Variants in CCR3 observed in about 807,000 individuals in gnomAD.
CCR3 encodes the protein C-C motif chemokine receptor 3.
For missense variants in CCR3, 419 were observed against 437.5 expected, an observed-to-expected ratio of 0.96 and a Z score of 0.38; for synonymous variants, 203 against 179.2, an observed-to-expected ratio of 1.13 and a Z score of -1.06.
intron 1 of CCR3, chr3:46,263,697 C>T (rs547469247): frequency 6.6e-6 from 1 of 152,308 alleles, no homozygotes; most frequent in Admixed American, 6.5e-5. Context: ...TCATCACAAC[C>T]CCAAGTGACC....
intron 2 of CCR3, among the ~76,000 whole-genome samples, chr3:46,222,862 G>C (rs771724498): frequency 6.6e-6 from 1 of 152,200 alleles, no homozygotes; most frequent in South Asian, 2.1e-4. Context: ...TGGGAGCTAC[G>C]TGGCTATTTA....
intron 1 of CCR3, among the ~76,000 whole-genome samples, chr3:46,247,014 T>A (rs1384088842): frequency 6.6e-6 from 1 of 151,854 alleles, no homozygotes; most frequent in East Asian, 1.9e-4. Flanking sequence ...CTAAATGGAA[T>A]AAGAGAAGGA....
chr3:46,238,449 G>C (rs541870300), upstream of CCR3, among the ~76,000 whole-genome samples: 4 of 148,916 alleles, frequency 2.7e-5, no homozygotes, highest in African/African-American at 2.4e-5. Context: ...GCATTTACTA[G>C]GGAAACTTAA....
rs200128162 is a variant in CCR3, at chr3:46,266,706, A to G, written c.*480A>G. On this transcript the variant is annotated 3_prime_UTR_variant, in exon 2 of 2. Transcript: ENST00000395940. ...GTGTGAATAAATAATCGTAAGCAAC[A>G]TAATGGCATGCCATTCCTGTTCTAA... 7 of 168,828 alleles carry G rather than the reference A, an allele frequency of 4.1e-5. No homozygotes were observed. The highest frequency in any genetic ancestry group is 1.4e-4 in the African/African-American group (6 of 41,496). The allele number at this position is 168,828 out of a possible 1,614,324, so 10.5% of individuals were successfully genotyped here.
intron 1 of CCR3, among the ~76,000 whole-genome samples, chr3:46,257,427 C>CTTTTTTT (rs34426861): frequency 1.9e-5 from 2 of 103,972 alleles, no homozygotes; most frequent in African/African-American, 3.6e-5. Flanking sequence ...TTGTCCCAGG[C>CTTTTTTT]TTTTTTTTTT....
chr3:46,252,319 G>T (rs1219890416), intron 1 of CCR3, among the ~76,000 whole-genome samples: 1 of 151,580 alleles, frequency 6.6e-6, no homozygotes, highest in Non-Finnish European at 1.5e-5. Context: ...GGAATTACAG[G>T]GGTGCACCAC....
intron 2 of CCR3, among the ~76,000 whole-genome samples, chr3:46,233,159 G>T (rs1699985400): frequency 6.6e-6 from 1 of 152,194 alleles, no homozygotes; most frequent in African/African-American, 2.4e-5. Context: ...GCTTTCACAG[G>T]AGGGTGACGT....
At chr3:46,243,015 A>ACC (rs1700122888) in intron 1 of CCR3, among the ~76,000 whole-genome samples, 1 of 147,124 alleles carries the variant, frequency 6.8e-6, no homozygotes, top group Non-Finnish European at 1.5e-5. Context: ...GCACACACAC[A>ACC]TACATTTTTA....
chr3:46,232,317 A>G (rs546775250), intron 2 of CCR3, among the ~76,000 whole-genome samples: 1 of 152,342 alleles, frequency 6.6e-6, no homozygotes, highest in South Asian at 2.1e-4. Flanking sequence ...CAGGTTTTAC[A>G]CAGGGAAAGA....
In CCR3 at chr3:46,253,522, G is replaced by A. The variant is rs142592491; in HGVS notation, c.-12+10984G>A. 2.6e-5 allele frequency among the ~76,000 whole-genome samples: 4 copies of A among 152,192 alleles called. No individual in the cohort carries two copies. The East Asian group carries it at 7.7e-4, about 29-fold the overall frequency. On this transcript the variant is annotated intron_variant, in intron 1 of 1. Transcript: ENST00000395940. Reference sequence around the variant, plus strand: ...ATTGGTCAATGTTTGCATTAAATGAGCCCTGGACATATTTGGACCACTTTC... The same window carrying A: ...ATTGGTCAATGTTTGCATTAAATGAACCCTGGACATATTTGGACCACTTTC...
At chr3:46,215,551 G>A (rs990613805) in intron 2 of CCR3, among the ~76,000 whole-genome samples, 2 of 152,200 alleles carry the variant, frequency 1.3e-5, no homozygotes, top group Non-Finnish European at 2.9e-5. Flanking sequence ...AGGTTTACTG[G>A]GTGGGAGTCT....
At chr3:46,223,683 A>G (rs995284500) in intron 2 of CCR3, among the ~76,000 whole-genome samples, 1 of 152,200 alleles carries the variant, frequency 6.6e-6, no homozygotes, top group Non-Finnish European at 1.5e-5. Flanking sequence ...ATTCAGAGTG[A>G]CATTATCACG....
Position 46,249,674 on chromosome 3 carries a change from T to C in CCR3, c.-12+7136T>C, listed in dbSNP as rs560969458. Among the ~76,000 whole-genome samples the C allele has an allele frequency of 1.4e-3, 206 of 152,138 alleles. No individual in the cohort carries two copies. The Middle Eastern group carries it at 0.014, about 10-fold the overall frequency. ...GTGAGTTGAACAGTCTGATTTCCAG[T>C]GGGGTCCCACACAGATGGGGGAATC... On this transcript the variant is annotated intron_variant, in intron 1 of 1. Transcript: ENST00000395940.
At chr3:46,256,222 G>A (rs1344052495) in intron 1 of CCR3, among the ~76,000 whole-genome samples, 2 of 152,098 alleles carry the variant, frequency 1.3e-5, no homozygotes, top group Non-Finnish European at 2.9e-5. Flanking sequence ...ACTGAATCAT[G>A]CTGACAATGA....
chr3:46,235,551 AAG>A (rs1379024884), intron 2 of CCR3, among the ~76,000 whole-genome samples: 2 of 152,236 alleles, frequency 1.3e-5, no homozygotes, highest in Non-Finnish European at 2.9e-5. Context: ...TCTAAGCAGA[AAG>A]AGATATCTTT....
At chr3:46,211,414 G>C (rs1335552613) in intron 2 of CCR3, among the ~76,000 whole-genome samples, 1 of 150,948 alleles carries the variant, frequency 6.6e-6, no homozygotes, top group African/African-American at 2.4e-5. Flanking sequence ...GTAGAAATGG[G>C]TGTGTTATCA....
At chr3:46,235,323 T>C (rs889661718) in intron 2 of CCR3, among the ~76,000 whole-genome samples, 1 of 151,654 alleles carries the variant, frequency 6.6e-6, no homozygotes, top group African/African-American at 2.4e-5. Flanking sequence ...GCCACAGGAG[T>C]GTGGAAAGGG....
At chr3:46,255,204 TG>T (rs1362918482) in intron 1 of CCR3, among the ~76,000 whole-genome samples, 1 of 152,206 alleles carries the variant, frequency 6.6e-6, no homozygotes, top group African/African-American at 2.4e-5. Flanking sequence ...TTTTGAGAAT[TG>T]TCTATTCATG....
At chr3:46,222,436 C>G (rs1335772610) in intron 2 of CCR3, among the ~76,000 whole-genome samples, 3 of 152,148 alleles carry the variant, frequency 2.0e-5, no homozygotes, top group African/African-American at 7.2e-5. Flanking sequence ...TCTGAAGCTA[C>G]CTATCAGGAA....
Sources: allele counts gnomAD v4.1 joint callset (sites outside exome capture counted in the v4.1 genomes callset), GRCh38; gene constraint gnomAD v4.1.1; transcripts MANE v1.5; gene names NCBI Gene and HGNC (gene_info 2026-07-23, HGNC 2026-07-21).